The following DHRSX variants were observed in gnomAD, a reference collection of about 807,000 sequenced individuals.
DHRSX encodes the protein dehydrogenase/reductase X-linked, also known as polyprenol dehydrogenase.
A neutral mutation model predicts 34.0 loss-of-function variants in DHRSX; 31 were observed. The ratio of observed to expected loss-of-function variants is 0.91; its 90% CI spans 0.69 to 1.23. DHRSX has a LOEUF of 1.23. DHRSX is among the 50% of genes most tolerant of loss of function. The pLI is 0.00. For synonymous variants in DHRSX, 201 were observed against 183.8 expected (o/e 1.09, Z -0.76); for missense variants, 414 against 428.1 (o/e 0.97, Z 0.29).
chrX:2,368,751 G>A (rs1381099860), intron 3 of DHRSX, among the ~76,000 whole-genome samples: 1 of 152,242 alleles, frequency 6.6e-6, no homozygotes, highest in African/African-American at 2.4e-5. Flanking sequence ...TCAGGAGGCT[G>A]AGGCAGGAGA....
Position 2,261,036 on chromosome X carries a change from CCT to C in DHRSX, c.596+5702_596+5703del, listed in dbSNP as rs1242795533. ...TACAGCCTGGCCAACATGGTGAAGCCCTGTTTCTACTAAAAATACAAAAATTA... is the reference window on the plus strand; with the variant it reads ...TACAGCCTGGCCAACATGGTGAAGCCGTTTCTACTAAAAATACAAAAATTA... On this transcript the variant is annotated intron_variant, in intron 5 of 6. Transcript: ENST00000334651. Among the ~76,000 whole-genome samples, 4 of 151,678 alleles carry C rather than the reference CCT, an allele frequency of 2.6e-5. No homozygotes were observed. In the East Asian group the frequency reaches 7.8e-4, roughly 30 times the overall value.
chrX:2,482,208 C>A (rs1358432935), intron 1 of DHRSX, among the ~76,000 whole-genome samples: 7 of 151,756 alleles, frequency 4.6e-5, no homozygotes, highest in Non-Finnish European at 1.0e-4. Context: ...CATTTCACTG[C>A]AGCCTCCAAC....
intron 3 of DHRSX, among the ~76,000 whole-genome samples, chrX:2,351,509 A>G (rs116645675): frequency 0.016 from 2,396 of 152,310 alleles, 69 homozygotes; most frequent in African/African-American, 0.054. Flanking sequence ...AGATTGAGAA[A>G]GCAACACAGG....
At chrX:2,384,449 A>C (rs1289891856) in intron 3 of DHRSX, among the ~76,000 whole-genome samples, 13 of 152,144 alleles carry the variant, frequency 8.5e-5, no homozygotes, top group Admixed American at 3.9e-4. Flanking sequence ...AACGCTGAGG[A>C]AAGGCAGCAT....
intron 3 of DHRSX, among the ~76,000 whole-genome samples, chrX:2,404,720 C>T (rs1468083632): frequency 1.3e-5 from 2 of 151,984 alleles, no homozygotes; most frequent in East Asian, 3.9e-4. Flanking sequence ...TGATATACTT[C>T]CCCCTACACA....
chrX:2,424,976 C>A (rs774688069), intron 2 of DHRSX, among the ~76,000 whole-genome samples: 1 of 152,004 alleles, frequency 6.6e-6, no homozygotes, highest in South Asian at 2.1e-4. Flanking sequence ...TCTGTCTCTA[C>A]TAAAAATACA....
At chrX:2,474,004 G>C (rs191003446) in intron 1 of DHRSX, among the ~76,000 whole-genome samples, 44,173 of 149,524 alleles carry the variant, frequency 0.3, 7,340 homozygotes, top group African/African-American at 0.45. Flanking sequence ...GGGATGGCGA[G>C]GTGCAGAGAG....
At chrX:2,456,507 G>A (rs865886416) in intron 1 of DHRSX, among the ~76,000 whole-genome samples, 5 of 151,526 alleles carry the variant, frequency 3.3e-5, no homozygotes, top group African/African-American at 7.3e-5. Context: ...CCAGCTACTC[G>A]GGAGGCTGTG....
chrX:2,399,928 A>T (rs1160475714), intron 3 of DHRSX, among the ~76,000 whole-genome samples: 2 of 151,046 alleles, frequency 1.3e-5, no homozygotes, highest in Non-Finnish European at 2.9e-5. Flanking sequence ...AGTCCCAGCT[A>T]CTCGGGAGGC....
At chrX:2,223,578 C>T (rs962323908) in intron 6 of DHRSX, among the ~76,000 whole-genome samples, 26 of 151,512 alleles carry the variant, frequency 1.7e-4, no homozygotes, top group African/African-American at 3.4e-4. Context: ...AAAGTAAAGG[C>T]GAAAGGGATG....
intron 3 of DHRSX, among the ~76,000 whole-genome samples, chrX:2,407,306 C>A (rs1015485819): frequency 3.9e-5 from 6 of 152,200 alleles, no homozygotes; most frequent in African/African-American, 1.2e-4. Flanking sequence ...GGGCCACTCA[C>A]AGACACTGAG....
intron 1 of DHRSX, among the ~76,000 whole-genome samples, chrX:2,485,880 G>T (rs2044909261): frequency 2.0e-5 from 3 of 148,984 alleles, no homozygotes; most frequent in Non-Finnish European, 3.0e-5. Context: ...GGGAAGGAAG[G>T]GAGAGAAGAA....
chrX:2,432,201 A>T (rs1367995238), intron 1 of DHRSX, among the ~76,000 whole-genome samples: 2 of 152,122 alleles, frequency 1.3e-5, no homozygotes, highest in African/African-American at 4.8e-5. Flanking sequence ...CTCAAAAAAA[A>T]AATTTTTTTT....
intron 3 of DHRSX, among the ~76,000 whole-genome samples, chrX:2,335,289 C>T (rs996250539): frequency 2.6e-4 from 40 of 151,544 alleles, no homozygotes; most frequent in African/African-American, 6.5e-4. Flanking sequence ...TCAGGGCACA[C>T]GCTGGTTTTA....
chrX:2,234,069 C>G (rs2015958486), intron 6 of DHRSX, among the ~76,000 whole-genome samples: 1 of 152,218 alleles, frequency 6.6e-6, no homozygotes, highest in African/African-American at 2.4e-5. Context: ...ACCCCTCCCT[C>G]GTCATCTCCC....
intron 1 of DHRSX, among the ~76,000 whole-genome samples, chrX:2,471,912 G>A (rs769109322): frequency 1.1e-4 from 17 of 152,010 alleles, no homozygotes; most frequent in East Asian, 3.9e-4. Context: ...TTGGGAGGCC[G>A]TGGAGGGCAG....
chrX:2,475,341 T>G (rs1034267497), intron 1 of DHRSX, among the ~76,000 whole-genome samples: 2 of 150,842 alleles, frequency 1.3e-5, no homozygotes, highest in African/African-American at 4.9e-5. Context: ...TCCCTAAGCA[T>G]GCGGCTAAGG....
intron 6 of DHRSX, among the ~76,000 whole-genome samples, chrX:2,230,443 G>A (rs1018870877): frequency 1.3e-5 from 2 of 152,190 alleles, no homozygotes; most frequent in Non-Finnish European, 2.9e-5. Flanking sequence ...ACAACAGAGA[G>A]GAGATGGCTT....
intron 3 of DHRSX, among the ~76,000 whole-genome samples, chrX:2,347,820 G>C (rs1192079649): frequency 1.3e-5 from 2 of 152,182 alleles, no homozygotes; most frequent in East Asian, 3.8e-4. Context: ...GCAACATACG[G>C]TACATGGATG....
Sources: allele counts gnomAD v4.1 joint callset (sites outside exome capture counted in the v4.1 genomes callset), GRCh38; gene constraint gnomAD v4.1.1; transcripts MANE v1.5; gene names NCBI Gene and HGNC (gene_info 2026-07-23, HGNC 2026-07-21).